The following DYNC1I2 variants were observed in gnomAD, a reference collection of about 807,000 sequenced individuals.
The protein encoded by DYNC1I2 is dynein cytoplasmic 1 intermediate chain 2.
A neutral mutation model predicts 88.6 loss-of-function variants in DYNC1I2; 53 were observed. The ratio of observed to expected loss-of-function variants is 0.60; its 90% CI spans 0.48 to 0.75. The LOEUF (loss-of-function observed/expected upper bound fraction) is 0.75, where lower values mean the gene tolerates loss of function less well. Ranked by LOEUF, DYNC1I2 falls within the 30% of genes least tolerant of loss-of-function variation. The pLI is 0.00. For missense variants in DYNC1I2, 458 were observed against 766.6 expected (o/e 0.60, Z 4.75); for synonymous variants, 198 against 254.6 (o/e 0.78, Z 2.12).
At chr2:171,738,887 G>A (rs930772151) in intron 15 of DYNC1I2, among the ~76,000 whole-genome samples, 5 of 152,138 alleles carry the variant, frequency 3.3e-5, no homozygotes, top group Admixed American at 2.0e-4. Context: ...GGTGGCTCAC[G>A]CCTGTAATCC....
intron 15 of DYNC1I2, among the ~76,000 whole-genome samples, chr2:171,735,474 A>G (rs1178821691): frequency 2.0e-5 from 3 of 152,206 alleles, no homozygotes; most frequent in Non-Finnish European, 4.4e-5. Flanking sequence ...GCTCAACCAT[A>G]AGTATAATGC....
chr2:171,725,384 A>G (rs891355658), intron 7 of DYNC1I2, among the ~76,000 whole-genome samples: 2 of 152,158 alleles, frequency 1.3e-5, no homozygotes, highest in Non-Finnish European at 2.9e-5. Context: ...CTGAGGTACC[A>G]CATAGGTATG....
intron 3 of DYNC1I2, 64 bp from the exon 4 acceptor site, chr2:171,706,483 T>C: frequency 7.2e-7 from 1 of 1,385,390 alleles, no homozygotes; most frequent in Non-Finnish European, 1.0e-6. Flanking sequence ...GAAAAATGTG[T>C]ATTTTTCTAT....
In DYNC1I2 at chr2:171,747,045, T is replaced by C. The variant is rs189129422; in HGVS notation, c.1804-731T>C. On this transcript the variant is annotated intron_variant, in intron 17 of 17. Coordinates refer to ENST00000397119, the MANE Select transcript of DYNC1I2 (RefSeq NM_001378.3). ...CCCATCTCTACTGAAAATACAAAAA[T>C]TAGCCAGGCATGGTGGCACATACCT... Among the ~76,000 whole-genome samples the C allele has an allele frequency of 8.9e-4, 135 of 151,462 alleles. 2 individuals carry two copies. Among genetic ancestry groups the C allele is most frequent in the Admixed American group, 5.9e-3 (90 of 15,204 alleles).
At chr2:171,708,321 AAGAC>A (rs1157109177) in intron 5 of DYNC1I2, among the ~76,000 whole-genome samples, 1 of 152,146 alleles carries the variant, frequency 6.6e-6, no homozygotes, top group Non-Finnish European at 1.5e-5. Context: ...AAATATCTAA[AAGAC>A]AGGGCAAGAA....
At chr2:171,692,661 T>G (rs900931930) in intron 2 of DYNC1I2, 116 bp from the exon 3 acceptor site, 3 of 660,264 alleles carry the variant, frequency 4.5e-6, no homozygotes, top group Non-Finnish European at 7.7e-6. Context: ...TAACCTGTAC[T>G]CAAAACTAAG....
chr2:171,727,226 G>A, intron 11 of DYNC1I2, among the ~76,000 whole-genome samples: 1 of 152,134 alleles, frequency 6.6e-6, no homozygotes, highest in African/African-American at 2.4e-5. Flanking sequence ...CTTTCCTACA[G>A]GGAGTTTCCC....
intron 3 of DYNC1I2, among the ~76,000 whole-genome samples, chr2:171,701,358 C>T (rs970731383): frequency 4.6e-5 from 7 of 151,988 alleles, no homozygotes; most frequent in East Asian, 1.9e-4. Flanking sequence ...TTGGTAGAGA[C>T]GGGGTTTCAC....
At chr2:171,712,080 A>G (rs1687162102) in intron 5 of DYNC1I2, among the ~76,000 whole-genome samples, 2 of 152,246 alleles carry the variant, frequency 1.3e-5, no homozygotes, top group Non-Finnish European at 2.9e-5. Context: ...TTGACATTTG[A>G]ACATAAAATA....
At position 171,744,043 on chromosome 2, in the gene DYNC1I2, T is replaced by C. The variant is rs759772143; in HGVS notation, c.1537-6T>C. The C allele has an allele frequency of 1.8e-5, 29 of 1,606,134 alleles. No individual in the cohort carries two copies. The South Asian group carries it at 3.1e-4, about 17-fold the overall frequency. ...ACTGTGCTAAGAATCAACTTTTCTC[T>C]TTCAGAATAACAAGCCTTTGTATTC... is the stretch of plus-strand genomic sequence containing the variant. On this transcript the variant is annotated splice_polypyrimidine_tract_variant and splice_region_variant and intron_variant, in intron 15 of 17. Coordinates refer to ENST00000397119, the MANE Select transcript of DYNC1I2 (RefSeq NM_001378.3).
chr2:171,725,597 T>TG (rs753976497), intron 7 of DYNC1I2, 21 bp from the exon 8 acceptor site: 1 of 1,286,822 alleles, frequency 7.8e-7, no homozygotes, highest in South Asian at 1.5e-5. Flanking sequence ...TTTTTTTGTT[T>TG]GTTTTTTTTT....
intron 3 of DYNC1I2, among the ~76,000 whole-genome samples, chr2:171,706,242 A>T (rs138917278): frequency 7.7e-4 from 117 of 152,286 alleles, no homozygotes; most frequent in Non-Finnish European, 1.5e-3. Context: ...TGTATTAGTC[A>T]CTTAATATCA....
intron 16 of DYNC1I2, among the ~76,000 whole-genome samples, chr2:171,744,714 A>T (rs1689668552): frequency 6.6e-6 from 1 of 152,196 alleles, no homozygotes. Context: ...AAACTATCAG[A>T]TTTCCTAATT....
chr2:171,707,780 T>G (rs1452492452), intron 5 of DYNC1I2, among the ~76,000 whole-genome samples: 2 of 152,306 alleles, frequency 1.3e-5, no homozygotes, highest in Middle Eastern at 3.4e-3. Context: ...ACAATTCTGT[T>G]AAACAGTTCA....
Position 171,745,912 on chromosome 2 carries a change from A to G in DYNC1I2, c.1788A>G (p.Ile596Met), listed in dbSNP as rs1689745574. The G allele has an allele frequency of 6.2e-7, 1 of 1,613,714 alleles. No homozygotes were observed. The highest frequency in any genetic ancestry group is 1.1e-5 in the South Asian group (1 of 91,084). ...GTGATTCTGAAGGACAGATTGTTAT[A>G]TACGATGTGGGAGAGGTATGGGACT... Reference protein sequence around the residue: ...AVGDSEGQIVIYDVGEQIAVP... With the variant: ...AVGDSEGQIVMYDVGEQIAVP... The change falls in exon 17 of 18, where the codon ATA becomes ATG. Residue 596 changes from isoleucine (I) to methionine (M), a missense_variant. This residue lies in a region of DYNC1I2 where 188 missense variants were observed against 300.4 expected (regional missense o/e 0.63). Coordinates refer to ENST00000397119, the MANE Select transcript of DYNC1I2 (RefSeq NM_001378.3).
chr2:171,712,299 G>A (rs566692875), intron 5 of DYNC1I2: 2 of 153,094 alleles, frequency 1.3e-5, no homozygotes, highest in African/African-American at 4.8e-5. Context: ...TCCTTTACCA[G>A]TATGACAATT....
intron 15 of DYNC1I2, among the ~76,000 whole-genome samples, chr2:171,730,810 CCTAA>C (rs1688553909): frequency 6.6e-6 from 1 of 151,922 alleles, no homozygotes; most frequent in Non-Finnish European, 1.5e-5. Flanking sequence ...TGTAAGAAAA[CCTAA>C]TGTAAGAGAT....
intron 3 of DYNC1I2, among the ~76,000 whole-genome samples, chr2:171,695,321 G>A (rs1685686006): frequency 6.6e-6 from 1 of 151,968 alleles, no homozygotes; most frequent in African/African-American, 2.4e-5. Flanking sequence ...GGCTGGTCTC[G>A]AACTCCTGAC....
chr2:171,723,722 A>G (rs1257332133), intron 7 of DYNC1I2, among the ~76,000 whole-genome samples: 1 of 152,180 alleles, frequency 6.6e-6, no homozygotes, highest in African/African-American at 2.4e-5. Flanking sequence ...TTTGTAAGGA[A>G]GTGTCAATGT....
Sources: gnomAD v4.1 joint callset for allele counts (sites outside exome capture counted in the v4.1 genomes callset) on GRCh38, gnomAD v4.1.1 for gene constraint, gnomAD v4.1.1 regional missense constraint, MANE v1.5 for transcripts, NCBI Gene and HGNC (gene_info 2026-07-23, HGNC 2026-07-21) for gene names.